The following ANK2 variants were observed in gnomAD, a reference collection of about 807,000 sequenced individuals.
ANK2 encodes the protein ankyrin 2, also known as ankyrin-2.
In ANK2, 83 loss-of-function variants were observed where a neutral mutation model predicts 360.5. That is an observed-to-expected ratio of 0.23 (90% CI 0.19 to 0.28). The LOEUF (loss-of-function observed/expected upper bound fraction) is 0.28, where lower values mean the gene tolerates loss of function less well. ANK2 is among the 10% of genes least tolerant of loss of function. ANK2 has a pLI of 1.00. For synonymous variants in ANK2, 1,740 were observed against 1,759.5 expected (o/e 0.99, Z 0.28); for missense variants, 4,201 against 4,795.7 (o/e 0.88, Z 3.66).
At chr4:112,912,333 T>A (rs534317940) in intron 2 of ANK2, among the ~76,000 whole-genome samples, 4 of 152,210 alleles carry the variant, frequency 2.6e-5, no homozygotes, top group Non-Finnish European at 5.9e-5. Context: ...ACATACTTAT[T>A]TTCTATGAAA....
chr4:113,277,103 G>GTACACATAT (rs1272564518), intron 15 of ANK2, among the ~76,000 whole-genome samples: 1 of 152,186 alleles, frequency 6.6e-6, no homozygotes, highest in Non-Finnish European at 1.5e-5. Context: ...GACACTGAAT[G>GTACACATAT]TACACATATC....
At chr4:112,788,439 T>A in the ANK2 span, 4 of 1,600,482 alleles carry the variant, frequency 2.5e-6, no homozygotes, top group Non-Finnish European at 3.4e-6. Flanking sequence ...GCTTTCTTGT[T>A]CTCCACCAAG....
intron 2 of ANK2, among the ~76,000 whole-genome samples, chr4:113,036,742 T>C (rs1034352952): frequency 6.6e-6 from 1 of 151,786 alleles, no homozygotes; most frequent in Non-Finnish European, 1.5e-5. Context: ...CTGTACATCT[T>C]GCAAGCAGAG....
chr4:113,164,589 A>G (rs181214210), intron 1 of ANK2, among the ~76,000 whole-genome samples: 1 of 152,360 alleles, frequency 6.6e-6, no homozygotes, highest in Non-Finnish European at 1.5e-5. Flanking sequence ...AAGCTGCAGA[A>G]TAAGGAGACC....
chr4:112,872,610 T>C (rs2073588302), intron 1 of ANK2, among the ~76,000 whole-genome samples: 1 of 152,238 alleles, frequency 6.6e-6, no homozygotes, highest in South Asian at 2.1e-4. Flanking sequence ...GTGCTGGGAT[T>C]ACAGGCATGA....
rs556434015 is a variant in ANK2, at chr4:112,873,540, CT to C, written c.-39-30901del. On this transcript the variant is annotated intron_variant, in intron 1 of 30. Transcript: ENST00000503271. ...TTCTGTTATGGGTTTCTTTTTCTTT[CT>C]TTTTTTTTTTTTTGAGATGGAGTCC... Among the ~76,000 whole-genome samples the C allele has an allele frequency of 3.5e-3, 485 of 139,828 alleles. 1 individual carries two copies. The highest frequency in any genetic ancestry group is 5.8e-3 in the African/African-American group (224 of 38,494). The allele number at this position is 139,828 out of a possible 152,430, so 91.7% of individuals were successfully genotyped here. A position where few individuals can be genotyped will look rare whatever the true frequency, so the allele number is the denominator to read the frequency against.
At chr4:113,068,428 T>A (rs190252923) in intron 1 of ANK2, among the ~76,000 whole-genome samples, 62 of 152,322 alleles carry the variant, frequency 4.1e-4, no homozygotes, top group Non-Finnish European at 7.1e-4. Flanking sequence ...GTGAATGTCA[T>A]ACAAACTCAC....
At chr4:112,871,508 T>C (rs1209385423) in intron 1 of ANK2, among the ~76,000 whole-genome samples, 1 of 152,166 alleles carries the variant, frequency 6.6e-6, no homozygotes, top group Non-Finnish European at 1.5e-5. Context: ...TTTTTAAAGT[T>C]GGATTCTTTA....
At chr4:113,380,027 C>T (rs2097112959) in intron 45 of ANK2, among the ~76,000 whole-genome samples, 1 of 152,002 alleles carries the variant, frequency 6.6e-6, no homozygotes, top group South Asian at 2.1e-4. Context: ...CTCTTGGTCC[C>T]ACTGTGTGCT....
chr4:112,911,183 T>C, intron 2 of ANK2, among the ~76,000 whole-genome samples: 1 of 130,066 alleles, frequency 7.7e-6, no homozygotes, highest in East Asian at 2.5e-4. Flanking sequence ...TTGGCCAAGA[T>C]GGTGCTTTTT....
chr4:112,955,734 C>T (rs1251409583), intron 2 of ANK2, among the ~76,000 whole-genome samples: 1 of 151,854 alleles, frequency 6.6e-6, no homozygotes, highest in African/African-American at 2.4e-5. Flanking sequence ...CATATAATTA[C>T]CAATATTTAT....
At chr4:113,079,666 T>G (rs2081516143) in intron 1 of ANK2, among the ~76,000 whole-genome samples, 1 of 152,230 alleles carries the variant, frequency 6.6e-6, no homozygotes, top group African/African-American at 2.4e-5. Context: ...CGTTGATACC[T>G]GCCTTTCTTC....
intron 5 of ANK2, among the ~76,000 whole-genome samples, chr4:113,235,597 T>A (rs2099365761): frequency 6.6e-6 from 1 of 151,342 alleles, no homozygotes; most frequent in African/African-American, 2.4e-5. Context: ...TTCATCTAAT[T>A]TTTTCTTTGT....
intron 45 of ANK2, 33 bp downstream of exon 45, chr4:113,373,482 A>G (rs1173436718): frequency 6.2e-7 from 1 of 1,607,028 alleles, no homozygotes; most frequent in African/African-American, 1.3e-5. Context: ...AACCCATTTG[A>G]TGGAGAGGAA....
intron 1 of ANK2, among the ~76,000 whole-genome samples, chr4:112,890,562 T>TG (rs2079695332): frequency 7.6e-6 from 1 of 131,452 alleles, no homozygotes; most frequent in Non-Finnish European, 1.6e-5. Context: ...TGTGGTTTTT[T>TG]TTTTTTTTTT....
At chr4:113,238,660 CATTGTG>C (rs1454700005) in intron 7 of ANK2, among the ~76,000 whole-genome samples, 2 of 152,266 alleles carry the variant, frequency 1.3e-5, no homozygotes, top group African/African-American at 4.8e-5. Flanking sequence ...TGGCTCTAAA[CATTGTG>C]AAAGCAGAAG....
At chr4:112,870,553 T>G (rs2072593771) in intron 1 of ANK2, among the ~76,000 whole-genome samples, 1 of 152,252 alleles carries the variant, frequency 6.6e-6, no homozygotes, top group South Asian at 2.1e-4. Flanking sequence ...ACACTATTCC[T>G]TGGAAAGATT....
At chr4:113,210,211 A>AG (rs1343758190) in intron 4 of ANK2, among the ~76,000 whole-genome samples, 3 of 152,336 alleles carry the variant, frequency 2.0e-5, no homozygotes, top group Non-Finnish European at 4.4e-5. Context: ...GGGAGCCTGC[A>AG]GGTCCCTAAG....
Position 112,957,666 on chromosome 4 carries a change from G to T in ANK2, c.21+53152G>T, listed in dbSNP as rs1460276431. On this transcript the variant is annotated intron_variant, in intron 2 of 30. Coordinates refer to the ANK2 transcript ENST00000503271. ...GGGCTGACCCCCCCACCTCCCTCCCGGACGGGGCGGCTGGCTGGGCGGGGG... is the reference window on the plus strand; with the variant it reads ...GGGCTGACCCCCCCACCTCCCTCCCTGACGGGGCGGCTGGCTGGGCGGGGG... 4.0e-5 allele frequency among the ~76,000 whole-genome samples: 6 copies of T among 150,160 alleles called. No homozygotes were observed. In the East Asian group the frequency reaches 9.9e-4, roughly 25 times the overall value.
Sources: gnomAD v4.1 joint callset for allele counts (sites outside exome capture counted in the v4.1 genomes callset) on GRCh38, gnomAD v4.1.1 for gene constraint, MANE v1.5 for transcripts, NCBI Gene and HGNC (gene_info 2026-07-23, HGNC 2026-07-21) for gene names.